The following MINDY2 variants were observed in gnomAD, a reference collection of about 807,000 sequenced individuals.
The protein encoded by MINDY2 is MINDY lysine 48 deubiquitinase 2.
In MINDY2, 52 loss-of-function variants were observed where a neutral mutation model predicts 68.2. That is an observed-to-expected ratio of 0.76 (90% CI 0.61 to 0.96). The LOEUF is 0.96. Among genes scored for constraint, MINDY2 ranks in the 40% least tolerant of loss-of-function variants. The probability of loss-of-function intolerance (pLI) is 0.00; values close to 1 mark genes in which losing one functional copy is unlikely to be tolerated. For synonymous variants in MINDY2, 372 were observed against 303.0 expected (o/e 1.23, Z -2.36); for missense variants, 881 against 773.4 (o/e 1.14, Z -1.65).
At chr15:58,846,712 G>A (rs573291079) in intron 6 of MINDY2, among the ~76,000 whole-genome samples, 1 of 151,952 alleles carries the variant, frequency 6.6e-6, no homozygotes, top group Non-Finnish European at 1.5e-5. Flanking sequence ...TATGTGATAA[G>A]GCAGGAAAAT....
At chr15:58,792,670 C>A (rs1360647349) in intron 2 of MINDY2, among the ~76,000 whole-genome samples, 2 of 151,998 alleles carry the variant, frequency 1.3e-5, no homozygotes, top group Non-Finnish European at 2.9e-5. Context: ...TGGAAACAAC[C>A]GAAATGTCTT....
intron 2 of MINDY2, among the ~76,000 whole-genome samples, chr15:58,795,136 A>C (rs1215091714): frequency 6.6e-6 from 1 of 151,894 alleles, no homozygotes; most frequent in Non-Finnish European, 1.5e-5. Context: ...AGATCGCGCT[A>C]CTGCACTCCA....
At chr15:58,853,111 C>A (rs2032915546) in intron 8 of MINDY2, among the ~76,000 whole-genome samples, 1 of 151,740 alleles carries the variant, frequency 6.6e-6, no homozygotes, top group East Asian at 1.9e-4. Flanking sequence ...TGCCACCATG[C>A]CCAACTAATT....
At chr15:58,777,393 G>C (rs1433798443) in intron 1 of MINDY2, among the ~76,000 whole-genome samples, 1 of 152,192 alleles carries the variant, frequency 6.6e-6, no homozygotes, top group Non-Finnish European at 1.5e-5. Context: ...TGGATGAGAA[G>C]TGACAGTAAA....
At chr15:58,839,663 A>T (rs1484531815) in intron 6 of MINDY2, among the ~76,000 whole-genome samples, 1 of 152,064 alleles carries the variant, frequency 6.6e-6, no homozygotes, top group African/African-American at 2.4e-5. Context: ...TCCTCTATAC[A>T]CCAAAGTGGT....
rs912357131 is a variant in MINDY2 at position 58,854,804 on chromosome 15, G to A, written c.*194G>A. On this transcript the variant is annotated 3_prime_UTR_variant, in exon 9 of 9. Coordinates refer to ENST00000559228, the MANE Select transcript of MINDY2 (RefSeq NM_001040450.3). The stretch of plus-strand genomic sequence containing the variant: ...CACAATACACTCTTTATGAGCTGGA[G>A]TTTCATGTTACAAGTTGGAAATGCT... 2.7e-5 allele frequency: 12 copies of A among 440,466 alleles called. No individual in the cohort carries two copies. The highest frequency in any genetic ancestry group is 2.4e-4 in the African/African-American group (12 of 50,464). The allele number at this position is 440,466 out of a possible 1,614,324, so 27.3% of individuals were successfully genotyped here.
rs2032999577 is a variant in MINDY2, at chr15:58,854,661, A to G, written c.*51A>G. The G allele has an allele frequency of 1.3e-6, 2 of 1,556,908 alleles. No individual in the cohort carries two copies. Among genetic ancestry groups the G allele is most frequent in the Admixed American group, 1.9e-5 (1 of 52,714 alleles). On this transcript the variant is annotated 3_prime_UTR_variant, in exon 9 of 9. Transcript: ENST00000559228. ...CCTATATGTCTTGAGAAACAAAACC[A>G]CAGGAGGAAAGGAAGAAAAACCGAT...
intron 1 of MINDY2, among the ~76,000 whole-genome samples, chr15:58,781,349 G>A (rs927852331): frequency 8.3e-4 from 126 of 152,118 alleles, no homozygotes; most frequent in Non-Finnish European, 7.2e-4. Flanking sequence ...ACCGCACCCA[G>A]CCTACTAGTA....
At chr15:58,774,548 G>A (rs191981239) in intron 1 of MINDY2, among the ~76,000 whole-genome samples, 136 of 151,036 alleles carry the variant, frequency 9.0e-4, no homozygotes, top group Non-Finnish European at 1.8e-3. Flanking sequence ...ATCTGCCCTC[G>A]TGTAGCTGAC....
chr15:58,786,142 G>A (rs1214755354), intron 1 of MINDY2, among the ~76,000 whole-genome samples: 1 of 151,932 alleles, frequency 6.6e-6, no homozygotes, highest in African/African-American at 2.4e-5. Flanking sequence ...TGTTTTATAG[G>A]GATCTTTTTA....
chr15:58,775,639 ATAAGAAGTG>A (rs1173460589), intron 1 of MINDY2, among the ~76,000 whole-genome samples: 3 of 152,208 alleles, frequency 2.0e-5, no homozygotes, highest in African/African-American at 7.2e-5. Flanking sequence ...AATGATGACT[ATAAGAAGTG>A]AAGACAGTAA....
At chr15:58,841,555 A>G (rs1040499866) in intron 6 of MINDY2, among the ~76,000 whole-genome samples, 1 of 151,614 alleles carries the variant, frequency 6.6e-6, no homozygotes, top group East Asian at 1.9e-4. Context: ...ACAGGTGCAT[A>G]CCACCATGCT....
chr15:58,799,314 T>C (rs1902483880), intron 2 of MINDY2, among the ~76,000 whole-genome samples: 1 of 152,200 alleles, frequency 6.6e-6, no homozygotes, highest in Non-Finnish European at 1.5e-5. Context: ...ACGCCTGTAA[T>C]CCCAGCACTT....
intron 2 of MINDY2, among the ~76,000 whole-genome samples, chr15:58,800,550 CGT>C (rs1902571153): frequency 6.6e-6 from 1 of 152,032 alleles, no homozygotes; most frequent in Non-Finnish European, 1.5e-5. Context: ...ATAAGCTGTT[CGT>C]GTGACATGAT....
chr15:58,785,246 A>G (rs557486043), intron 1 of MINDY2, among the ~76,000 whole-genome samples: 19 of 151,980 alleles, frequency 1.3e-4, no homozygotes, highest in Non-Finnish European at 2.4e-4. Flanking sequence ...TGAAGTAGGC[A>G]CTTTTTAGTT....
At chr15:58,780,320 C>G (rs1443845896) in intron 1 of MINDY2, among the ~76,000 whole-genome samples, 1 of 151,948 alleles carries the variant, frequency 6.6e-6, no homozygotes, top group Non-Finnish European at 1.5e-5. Flanking sequence ...AGGAGAATCA[C>G]TTTAACCTGG....
intron 5 of MINDY2, among the ~76,000 whole-genome samples, chr15:58,830,447 T>C (rs541151555): frequency 2.6e-4 from 40 of 152,222 alleles, no homozygotes; most frequent in Middle Eastern, 3.4e-3. Flanking sequence ...CAGGAAATGC[T>C]CATTGGAGGA....
intron 5 of MINDY2, among the ~76,000 whole-genome samples, chr15:58,826,946 CT>C (rs1237296164): frequency 6.6e-6 from 1 of 151,534 alleles, no homozygotes; most frequent in African/African-American, 2.4e-5. Flanking sequence ...CCTTTCCTTC[CT>C]TTTTTGTCGT....
chr15:58,834,077 C>T (rs1446874845), intron 6 of MINDY2, among the ~76,000 whole-genome samples: 1 of 152,194 alleles, frequency 6.6e-6, no homozygotes, highest in East Asian at 1.9e-4. Flanking sequence ...TGCCTTCAAG[C>T]ATTTGTTTAA....
Sources: allele counts gnomAD v4.1 joint callset (sites outside exome capture counted in the v4.1 genomes callset), GRCh38; gene constraint gnomAD v4.1.1; transcripts MANE v1.5; gene names NCBI Gene and HGNC (gene_info 2026-07-23, HGNC 2026-07-21).